The following COL4A2 variants were observed in gnomAD, a reference collection of about 807,000 sequenced individuals.
COL4A2 encodes the protein collagen alpha-2(IV) chain.
In COL4A2, 99 loss-of-function variants were observed where a neutral mutation model predicts 200.2. The observed-to-expected ratio is 0.49, with a 90% CI of 0.42 to 0.58. The LOEUF is 0.58. Ranked by LOEUF, COL4A2 falls within the 20% of genes least tolerant of loss-of-function variation. The pLI, the probability that COL4A2 is intolerant of heterozygous loss-of-function variation, is 0.00. For missense variants in COL4A2, 1,950 were observed against 2,314.1 expected (o/e 0.84, Z 3.23); for synonymous variants, 897 against 900.6 (o/e 1.00, Z 0.07).
chr13:110,453,560 G>T (rs1247335530), intron 20 of COL4A2, among the ~76,000 whole-genome samples: 1 of 152,162 alleles, frequency 6.6e-6, no homozygotes, highest in Non-Finnish European at 1.5e-5. Context: ...GGCTAACGTT[G>T]CCATTATTCC....
chr13:110,456,405 C>CT (rs906059216), intron 20 of COL4A2: 21 of 278,350 alleles, frequency 7.5e-5, no homozygotes, highest in Middle Eastern at 1.3e-3. Flanking sequence ...CTGAGTTCAT[C>CT]TTTTTTTTAG....
intron 4 of COL4A2, among the ~76,000 whole-genome samples, chr13:110,398,982 C>T (rs923722211): frequency 8.6e-5 from 13 of 151,922 alleles, no homozygotes; most frequent in African/African-American, 1.2e-4. Context: ...AAATTCCTGC[C>T]GGTTTTTAGT....
chr13:110,414,128 C>T (rs1289847962), intron 4 of COL4A2, among the ~76,000 whole-genome samples: 1 of 152,172 alleles, frequency 6.6e-6, no homozygotes, highest in Non-Finnish European at 1.5e-5. Flanking sequence ...TGAGCTATGA[C>T]TGTGCCACTG....
chr13:110,398,901 T>G (rs1879275937), intron 4 of COL4A2, among the ~76,000 whole-genome samples: 1 of 152,186 alleles, frequency 6.6e-6, no homozygotes, highest in African/African-American at 2.4e-5. Flanking sequence ...AAAAGTATTT[T>G]TAGCCTTACT....
At chr13:110,475,701 G>T (rs890044927) in intron 29 of COL4A2, among the ~76,000 whole-genome samples, 1 of 152,204 alleles carries the variant, frequency 6.6e-6, no homozygotes, top group Non-Finnish European at 1.5e-5. Context: ...CAGGAGCAGC[G>T]TGCAGCGGGT....
chr13:110,465,731 G>C, intron 25 of COL4A2, 125 bp downstream of exon 25: 3 of 963,984 alleles, frequency 3.1e-6, no homozygotes, highest in Non-Finnish European at 4.6e-6. Context: ...GTTCTCGCAC[G>C]TACAAGGGAT....
At chr13:110,437,423 T>G (rs899749375) in intron 13 of COL4A2, among the ~76,000 whole-genome samples, 1 of 152,202 alleles carries the variant, frequency 6.6e-6, no homozygotes, top group Admixed American at 6.5e-5. Flanking sequence ...GGGGCAGTTG[T>G]GTCCTGCAGG....
At chr13:110,310,685 G>C (rs993070804) in intron 3 of COL4A2, among the ~76,000 whole-genome samples, 8 of 152,060 alleles carry the variant, frequency 5.3e-5, no homozygotes, top group African/African-American at 1.9e-4. Flanking sequence ...TCTTTCCTGC[G>C]TAGGTCAGTT....
intron 4 of COL4A2, among the ~76,000 whole-genome samples, chr13:110,397,722 T>C (rs1879230122): frequency 6.6e-6 from 1 of 152,092 alleles, no homozygotes; most frequent in Admixed American, 6.5e-5. Context: ...TAGTCCTTTG[T>C]GGGCAGGAAG....
intron 3 of COL4A2, among the ~76,000 whole-genome samples, chr13:110,342,719 G>C (rs1050788252): frequency 3.3e-5 from 5 of 152,094 alleles, no homozygotes; most frequent in Non-Finnish European, 7.4e-5. Context: ...CCTGGAGCCC[G>C]GGCACCCTTG....
At chr13:110,321,714 C>T (rs1311446710) in intron 3 of COL4A2, among the ~76,000 whole-genome samples, 6 of 152,220 alleles carry the variant, frequency 3.9e-5, no homozygotes, top group African/African-American at 7.2e-5. Context: ...TACATTTCCA[C>T]GTGGCTGGAG....
At chr13:110,502,680 C>A in intron 41 of COL4A2, 1 of 159,972 alleles carries the variant, frequency 6.3e-6, no homozygotes, top group Admixed American at 6.5e-5. Context: ...CTAGATGACC[C>A]TTGAGGGCAT....
At chr13:110,402,549 C>T (rs1010780261) in intron 4 of COL4A2, among the ~76,000 whole-genome samples, 3 of 152,232 alleles carry the variant, frequency 2.0e-5, no homozygotes, top group African/African-American at 7.2e-5. Flanking sequence ...CCAGGCTGGG[C>T]AAACTGGTCA....
intron 40 of COL4A2, among the ~76,000 whole-genome samples, chr13:110,497,570 C>G (rs544483137): frequency 2.0e-5 from 3 of 147,066 alleles, no homozygotes; most frequent in African/African-American, 7.5e-5. Flanking sequence ...AACCTCCACT[C>G]AGGGCTGAGG....
chr13:110,461,545 G>C lies in COL4A2; in HGVS notation c.1597-569G>C, dbSNP rs537297156. 5.3e-5 allele frequency among the ~76,000 whole-genome samples: 8 copies of C among 152,306 alleles called. No homozygotes were observed. In the South Asian group the frequency reaches 1.5e-3, roughly 28 times the overall value. ...ATTTATTTATTTATTTTTGGAGACA[G>C]AGTCTCACTTTGTCACTTAGGCTGG... On this transcript the variant is annotated intron_variant, in intron 22 of 47. Coordinates refer to ENST00000360467, the MANE Select transcript of COL4A2 (RefSeq NM_001846.4).
In COL4A2 at chr13:110,330,165, C is replaced by T. The variant is rs375907134; in HGVS notation, c.99+22042C>T. On this transcript the variant is annotated intron_variant, in intron 3 of 47. Transcript: ENST00000360467. ...CACGGCCCCTTTAACTGAGAATGGACCTTGATTTTGTTTTGCGAGTCACTC... is the reference window on the plus strand; with the variant it reads ...CACGGCCCCTTTAACTGAGAATGGATCTTGATTTTGTTTTGCGAGTCACTC... Among the ~76,000 whole-genome samples, 4 of 152,210 alleles carry T rather than the reference C, an allele frequency of 2.6e-5. No homozygotes were observed. The East Asian group carries it at 7.7e-4, about 29-fold the overall frequency.
chr13:110,350,516 A>T (rs1053582023), intron 3 of COL4A2, among the ~76,000 whole-genome samples: 1 of 152,246 alleles, frequency 6.6e-6, no homozygotes, highest in African/African-American at 2.4e-5. Context: ...TCCAAGGGCC[A>T]TCACTTTTCT....
At chr13:110,346,739 G>A (rs1224650689) in intron 3 of COL4A2, among the ~76,000 whole-genome samples, 1 of 152,178 alleles carries the variant, frequency 6.6e-6, no homozygotes, top group African/African-American at 2.4e-5. Flanking sequence ...TCTACACCCT[G>A]GGTGTTTGCT....
rs1250821639 is a variant in COL4A2 at position 110,343,752 on chromosome 13, T to A, written c.100-13720T>A. ...CAGTCTTCACCAACCAGAACAGAAA[T>A]CTTATTGTATTCTGAAAAAGGATTC... On this transcript the variant is annotated intron_variant, in intron 3 of 47. Coordinates refer to ENST00000360467, the MANE Select transcript of COL4A2 (RefSeq NM_001846.4). Among the ~76,000 whole-genome samples the A allele has an allele frequency of 2.6e-5, 4 of 152,190 alleles. No individual in the cohort carries two copies. The South Asian group carries it at 8.3e-4, about 31-fold the overall frequency.
Sources: gnomAD v4.1 joint callset for allele counts (sites outside exome capture counted in the v4.1 genomes callset) on GRCh38, gnomAD v4.1.1 for gene constraint, MANE v1.5 for transcripts, NCBI Gene and HGNC (gene_info 2026-07-23, HGNC 2026-07-21) for gene names.